Variants in NEDD4L observed in about 807,000 individuals in gnomAD.
NEDD4L encodes the protein NEDD4 like E3 ubiquitin protein ligase, also known as E3 ubiquitin-protein ligase NEDD4-like.
Under a neutral mutation model 148.9 loss-of-function variants are expected in NEDD4L, and 54 were observed. The ratio of observed to expected loss-of-function variants is 0.36; its 90% CI spans 0.29 to 0.45. The LOEUF is 0.45. NEDD4L is among the 20% of genes least tolerant of loss of function. The probability of loss-of-function intolerance (pLI) is 1.00; values close to 1 mark genes in which losing one functional copy is unlikely to be tolerated. For missense variants in NEDD4L, 856 were observed against 1,233.8 expected (o/e 0.69, Z 4.59); for synonymous variants, 433 against 440.7 (o/e 0.98, Z 0.22).
chr18:58,127,768 G>C (rs528368590), intron 1 of NEDD4L, among the ~76,000 whole-genome samples: 1 of 149,000 alleles, frequency 6.7e-6, no homozygotes, highest in East Asian at 2.0e-4. Flanking sequence ...GTGAACACGG[G>C]AGGCGGAGTT....
intron 24 of NEDD4L, among the ~76,000 whole-genome samples, chr18:58,373,916 G>T (rs2047220548): frequency 6.6e-6 from 1 of 152,214 alleles, no homozygotes; most frequent in South Asian, 2.1e-4. Flanking sequence ...CAATTCTGAA[G>T]CCTTTGCTTC....
chr18:58,181,726 T>C (rs1287231823), intron 2 of NEDD4L, among the ~76,000 whole-genome samples: 3 of 152,166 alleles, frequency 2.0e-5, no homozygotes, highest in Admixed American at 6.5e-5. Context: ...TAGAAAAATA[T>C]TGTTATATAA....
chr18:58,210,646 C>T (rs1247373175), intron 2 of NEDD4L, among the ~76,000 whole-genome samples: 1 of 152,102 alleles, frequency 6.6e-6, no homozygotes, highest in African/African-American at 2.4e-5. Flanking sequence ...CGGGGTTTCT[C>T]CATGTTGGTC....
In NEDD4L at chr18:58,341,078, C is replaced by G; in HGVS notation, c.1166C>G (p.Ser389Ter). 6.2e-7 allele frequency: 1 copy of G among 1,611,530 alleles called. No homozygotes were observed. Among genetic ancestry groups the G allele is most frequent in the Non-Finnish European group, 8.5e-7 (1 of 1,178,856 alleles). Residue 389 changes from serine to a stop codon, truncating the protein, a stop_gained, in exon 14 of 31, where the codon TCA becomes TGA. Transcript: ENST00000400345. LOFTEE classifies it high-confidence loss of function. The part of the protein sequence containing the change: ...AYVHTTPGLP[S>*]GWEERKDAKG... ...GTACATACCACGCCGGGTCTGCCTTCAGGCTGGGAAGAAAGAAAAGATGCT... is the reference window on the plus strand; with the variant it reads ...GTACATACCACGCCGGGTCTGCCTTGAGGCTGGGAAGAAAGAAAAGATGCT...
At chr18:58,316,344 C>G (rs1329125355) in intron 6 of NEDD4L, among the ~76,000 whole-genome samples, 2 of 152,226 alleles carry the variant, frequency 1.3e-5, no homozygotes, top group African/African-American at 4.8e-5. Context: ...CTCCTTCACT[C>G]AGGCCTCCCT....
rs1349358073 is a variant in NEDD4L, at chr18:58,397,802, C to G, written c.*1533C>G. ...CACCTGAGGCAGTGTGGGAGTTGAA[C>G]GACCCTGCTGTCCTTTTTAACCTGT... is the stretch of plus-strand genomic sequence containing the variant. On this transcript the variant is annotated 3_prime_UTR_variant, in exon 31 of 31. Coordinates refer to ENST00000400345, the MANE Select transcript of NEDD4L (RefSeq NM_001144967.3). 1 of 152,604 alleles carries G rather than the reference C, an allele frequency of 6.6e-6. No homozygotes were observed. Among genetic ancestry groups the G allele is most frequent in the Non-Finnish European group, 1.5e-5 (1 of 68,048 alleles). The allele number at this position is 152,604 out of a possible 1,614,324, so 9.5% of individuals were successfully genotyped here. A position where few individuals can be genotyped will look rare whatever the true frequency, so the allele number is the denominator to read the frequency against.
intron 9 of NEDD4L, among the ~76,000 whole-genome samples, chr18:58,326,807 G>A (rs1427410646): frequency 6.6e-6 from 1 of 152,214 alleles, no homozygotes; most frequent in Non-Finnish European, 1.5e-5. Flanking sequence ...GACAAATAGG[G>A]ATAATTGCTA....
intron 1 of NEDD4L, among the ~76,000 whole-genome samples, chr18:58,127,712 G>T (rs1011344296): frequency 5.3e-5 from 8 of 151,836 alleles, no homozygotes; most frequent in East Asian, 1.9e-4. Flanking sequence ...GTGGTGGCAG[G>T]TGCTTGTAGT....
In NEDD4L at chr18:58,396,175, G is replaced by A; in HGVS notation, c.2834G>A (p.Arg945His). ...TTTTGTTCCTTTTGCAGCTTTAATC[G>A]CCTTGACTTACCTCCATATGAAACC... ...KLPRAHTCFN[R>H]LDLPPYETFE... Residue 945 changes from arginine (R) to histidine (H), a missense_variant, in exon 31 of 31, where the codon CGC (arginine) becomes CAC (histidine). Around this residue, in one of 4 missense-constraint regions of NEDD4L, gnomAD observed 286 missense variants for 531.8 expected, o/e 0.54. Coordinates refer to ENST00000400345, the MANE Select transcript of NEDD4L (RefSeq NM_001144967.3). 6.2e-7 allele frequency: 1 copy of A among 1,611,790 alleles called. No homozygotes were observed.
chr18:58,235,591 G>A (rs1235740074), intron 2 of NEDD4L, among the ~76,000 whole-genome samples: 1 of 152,156 alleles, frequency 6.6e-6, no homozygotes, highest in African/African-American at 2.4e-5. Flanking sequence ...CTCTTTTTTA[G>A]TTAGACACAG....
intron 5 of NEDD4L, among the ~76,000 whole-genome samples, chr18:58,292,226 A>ACTC (rs35716921): frequency 0.43 from 65,536 of 151,750 alleles, 14,595 homozygotes; most frequent in African/African-American, 0.55. Flanking sequence ...GGCTGCCAGG[A>ACTC]CTTGGAGGCA....
chr18:58,199,638 A>G (rs2041173873), intron 2 of NEDD4L, among the ~76,000 whole-genome samples: 1 of 152,186 alleles, frequency 6.6e-6, no homozygotes. Flanking sequence ...CTGATGCTAT[A>G]TAGATGAAGG....
chr18:58,096,779 T>A (rs1023347347), intron 1 of NEDD4L, among the ~76,000 whole-genome samples: 3 of 152,354 alleles, frequency 2.0e-5, no homozygotes, highest in Non-Finnish European at 2.9e-5. Flanking sequence ...CCATGCTTAT[T>A]TGCTGTAATG....
intron 5 of NEDD4L, among the ~76,000 whole-genome samples, chr18:58,310,634 A>T (rs1330173687): frequency 1.3e-5 from 2 of 152,238 alleles, no homozygotes; most frequent in Non-Finnish European, 2.9e-5. Flanking sequence ...CCGCACTCAC[A>T]CTTTACCTCT....
At chr18:58,118,520 C>T (rs568146734) in intron 1 of NEDD4L, among the ~76,000 whole-genome samples, 11 of 152,170 alleles carry the variant, frequency 7.2e-5, no homozygotes, top group South Asian at 2.1e-4. Flanking sequence ...GAAAGAACTG[C>T]GCTGCTGCTT....
intron 25 of NEDD4L, 147 bp from the exon 26 acceptor site, chr18:58,385,379 G>A: frequency 1.4e-6 from 1 of 724,704 alleles, no homozygotes; most frequent in South Asian, 1.5e-5. Flanking sequence ...AAGAAGCCAT[G>A]AATAAACTAA....
intron 30 of NEDD4L, among the ~76,000 whole-genome samples, chr18:58,394,938 G>A (rs2050297113): frequency 6.6e-6 from 1 of 152,208 alleles, no homozygotes; most frequent in Non-Finnish European, 1.5e-5. Flanking sequence ...AGCACTCGCG[G>A]CAGAGGCAGC....
chr18:58,315,828 G>T (rs933550931), intron 5 of NEDD4L, among the ~76,000 whole-genome samples, 154 bp from the exon 6 acceptor site: 2 of 152,206 alleles, frequency 1.3e-5, no homozygotes, highest in Non-Finnish European at 2.9e-5. Context: ...GTCTCCCGGG[G>T]TGTGGTTACT....
intron 20 of NEDD4L, 88 bp downstream of exon 20, chr18:58,364,421 T>C: frequency 1.3e-6 from 1 of 756,168 alleles, no homozygotes; most frequent in Non-Finnish European, 2.2e-6. Context: ...TGGTTGTTAC[T>C]TTTATATGAA....
Sources: allele counts gnomAD v4.1 joint callset (sites outside exome capture counted in the v4.1 genomes callset), GRCh38; gene constraint gnomAD v4.1.1; regional missense constraint gnomAD v4.1.1; transcripts MANE v1.5; gene names NCBI Gene and HGNC (gene_info 2026-07-23, HGNC 2026-07-21).